Variants in POU6F2 observed in about 807,000 individuals in gnomAD.
POU6F2 encodes the protein POU class 6 homeobox 2.
A neutral mutation model predicts 71.3 loss-of-function variants in POU6F2; 31 were observed. The observed-to-expected ratio is 0.43, with a 90% CI of 0.33 to 0.59. POU6F2 has a LOEUF of 0.59. Ranked by LOEUF, POU6F2 falls within the 20% of genes least tolerant of loss-of-function variation. The probability of loss-of-function intolerance (pLI) is 0.04; values close to 1 mark genes in which losing one functional copy is unlikely to be tolerated. For missense variants in POU6F2, 783 were observed against 856.8 expected (o/e 0.91, Z 1.07); for synonymous variants, 347 against 355.7 (o/e 0.98, Z 0.27).
At chr7:39,165,513 A>G (rs1405799961) in intron 2 of POU6F2, among the ~76,000 whole-genome samples, 1 of 152,184 alleles carries the variant, frequency 6.6e-6, no homozygotes, top group East Asian at 1.9e-4. Flanking sequence ...CAATTAACAG[A>G]TCAAATTTCT....
At chr7:38,995,886 C>T (rs1788720397) in intron 1 of POU6F2, among the ~76,000 whole-genome samples, 1 of 152,130 alleles carries the variant, frequency 6.6e-6, no homozygotes, top group East Asian at 1.9e-4. Flanking sequence ...TTATTGCCAC[C>T]CATTTACTTC....
chr7:39,034,523 G>A (rs1790016339), intron 1 of POU6F2: 2 of 420,332 alleles, frequency 4.8e-6, no homozygotes, highest in African/African-American at 4.0e-5. Context: ...ATATAATAAT[G>A]CACATAAAGT....
rs147799794 is a variant in POU6F2, at chr7:39,405,842, T to A, written c.973-758T>A. Among the ~76,000 whole-genome samples, 341 of 152,266 alleles carry A rather than the reference T, an allele frequency of 2.2e-3. 2 individuals carry two copies. The highest frequency in any genetic ancestry group is 7.8e-3 in the African/African-American group (323 of 41,558). On this transcript the variant is annotated intron_variant, in intron 5 of 9. Transcript: ENST00000518318. Reference sequence around the variant, plus strand: ...CCCGGCAGGTCTCTCTCCCACTCTCTCTTTCTTCCTCCCTGTTTCACTCTT... The same window carrying A: ...CCCGGCAGGTCTCTCTCCCACTCTCACTTTCTTCCTCCCTGTTTCACTCTT...
chr7:39,147,255 A>G (rs1792643240), intron 2 of POU6F2, among the ~76,000 whole-genome samples: 1 of 152,216 alleles, frequency 6.6e-6, no homozygotes, highest in Non-Finnish European at 1.5e-5. Context: ...AATGGCAAAA[A>G]CCACAATTAC....
intron 6 of POU6F2, among the ~76,000 whole-genome samples, chr7:39,414,734 A>G (rs1011214393): frequency 2.0e-5 from 3 of 151,636 alleles, no homozygotes; most frequent in African/African-American, 7.3e-5. Context: ...CATTTCTGAA[A>G]TGAAAGAGTT....
chr7:39,096,498 A>C (rs2128722780), intron 2 of POU6F2, among the ~76,000 whole-genome samples: 1 of 152,280 alleles, frequency 6.6e-6, no homozygotes, highest in Non-Finnish European at 1.5e-5. Context: ...TGATGCTTCT[A>C]TCATCTTTCT....
chr7:39,070,247 G>C (rs1215749518), intron 1 of POU6F2, among the ~76,000 whole-genome samples: 1 of 152,184 alleles, frequency 6.6e-6, no homozygotes, highest in East Asian at 1.9e-4. Context: ...ATTTTCGTAA[G>C]ATATGGGTTA....
intron 1 of POU6F2, among the ~76,000 whole-genome samples, chr7:39,025,104 G>T (rs1270860050): frequency 5.9e-5 from 9 of 152,052 alleles, no homozygotes; most frequent in Non-Finnish European, 1.5e-5. Context: ...TTGTACCTCT[G>T]GTAGAATTTG....
intron 1 of POU6F2, among the ~76,000 whole-genome samples, chr7:39,054,818 C>G (rs574072404): frequency 6.7e-6 from 1 of 149,064 alleles, no homozygotes; most frequent in Admixed American, 6.7e-5. Context: ...AAACAAAAAA[C>G]CATGTCTCAC....
chr7:39,227,590 T>C (rs1030870217), intron 4 of POU6F2, among the ~76,000 whole-genome samples: 9 of 144,580 alleles, frequency 6.2e-5, no homozygotes, highest in Admixed American at 3.0e-4. Context: ...AGTCTCGCTC[T>C]GTCACCCAGG....
chr7:39,015,347 A>G (rs1391938276), intron 1 of POU6F2, among the ~76,000 whole-genome samples: 5 of 134,776 alleles, frequency 3.7e-5, no homozygotes, highest in Admixed American at 1.7e-4. Flanking sequence ...AATATATAAT[A>G]ATAGATATAT....
At chr7:39,040,526 G>A (rs920697135) in intron 1 of POU6F2, among the ~76,000 whole-genome samples, 1 of 151,590 alleles carries the variant, frequency 6.6e-6, no homozygotes, top group Non-Finnish European at 1.5e-5. Flanking sequence ...CCCATAAAAT[G>A]TAAACTTGGT....
chr7:38,981,921 G>T (rs752483439), intron 1 of POU6F2, among the ~76,000 whole-genome samples: 1 of 152,116 alleles, frequency 6.6e-6, no homozygotes, highest in African/African-American at 2.4e-5. Context: ...ATATTTCACC[G>T]TTATAGCATC....
intron 4 of POU6F2, among the ~76,000 whole-genome samples, chr7:39,296,999 G>A (rs372136416): frequency 2.0e-5 from 3 of 152,050 alleles, no homozygotes; most frequent in African/African-American, 7.3e-5. Context: ...TGTACAGCCC[G>A]GAGAGCTTTT....
intron 4 of POU6F2, among the ~76,000 whole-genome samples, chr7:39,335,087 G>A (rs1363771097): frequency 2.0e-5 from 3 of 152,140 alleles, no homozygotes; most frequent in Non-Finnish European, 2.9e-5. Context: ...AGCTGCTGCC[G>A]CCCTATGTCT....
intron 2 of POU6F2, among the ~76,000 whole-genome samples, chr7:39,115,245 G>T (rs1323018165): frequency 6.6e-6 from 1 of 152,188 alleles, no homozygotes; most frequent in Non-Finnish European, 1.5e-5. Context: ...AGATGTCAGA[G>T]ATGGGACATG....
At chr7:39,215,781 G>A (rs919669883) in intron 4 of POU6F2, among the ~76,000 whole-genome samples, 5 of 152,172 alleles carry the variant, frequency 3.3e-5, no homozygotes, top group African/African-American at 1.2e-4. Flanking sequence ...TGGATGAGAG[G>A]GATTAAGCTG....
intron 4 of POU6F2, among the ~76,000 whole-genome samples, chr7:39,243,999 A>C (rs1440058806): frequency 6.6e-6 from 1 of 152,162 alleles, no homozygotes; most frequent in African/African-American, 2.4e-5. Flanking sequence ...AGGTATTCAT[A>C]TTTGATAACT....
chr7:39,202,348 T>C (rs931370665), intron 2 of POU6F2, among the ~76,000 whole-genome samples: 4 of 152,216 alleles, frequency 2.6e-5, no homozygotes, highest in Non-Finnish European at 5.9e-5. Flanking sequence ...AGGTATTCAT[T>C]TTCTAATTGC....
Sources: gnomAD v4.1 joint callset for allele counts (sites outside exome capture counted in the v4.1 genomes callset) on GRCh38, gnomAD v4.1.1 for gene constraint, MANE v1.5 for transcripts, NCBI Gene and HGNC (gene_info 2026-07-23, HGNC 2026-07-21) for gene names.